Variants in TENM3 observed in about 807,000 individuals in gnomAD.
TENM3 encodes teneurin transmembrane protein 3.
In TENM3, 63 loss-of-function variants were observed where a neutral mutation model predicts 255.1. The ratio of observed to expected loss-of-function variants is 0.25; its 90% CI spans 0.20 to 0.30. The LOEUF (loss-of-function observed/expected upper bound fraction) is 0.30. Ranked by LOEUF, TENM3 falls within the 10% of genes least tolerant of loss-of-function variation. TENM3 has a pLI of 1.00. For synonymous variants in TENM3, 1,306 were observed against 1,322.3 expected, an observed-to-expected ratio of 0.99 and a Z score of 0.27; for missense variants, 2,929 against 3,461.1, an observed-to-expected ratio of 0.85 and a Z score of 3.86.
chr4:181,869,569 T>G, the TENM3 span, among the ~76,000 whole-genome samples: 1 of 152,124 alleles, frequency 6.6e-6, no homozygotes, highest in Non-Finnish European at 1.5e-5. Context: ...TTTTTCACAT[T>G]CATGCCAGCA....
At chr4:182,137,865 G>C in the TENM3 span, among the ~76,000 whole-genome samples, 3 of 152,242 alleles carry the variant, frequency 2.0e-5, no homozygotes, top group Non-Finnish European at 4.4e-5. Flanking sequence ...CTCTAAATTT[G>C]ATATTCAGAA....
intron 3 of TENM3, among the ~76,000 whole-genome samples, chr4:182,362,514 G>A (rs1766086597): frequency 1.3e-5 from 2 of 152,250 alleles, no homozygotes; most frequent in South Asian, 2.1e-4. Context: ...ATGGGTGTAG[G>A]ACCCTCCGAG....
intron 3 of TENM3, among the ~76,000 whole-genome samples, chr4:182,378,644 C>T (rs1000171147): frequency 2.0e-5 from 3 of 152,084 alleles, no homozygotes; most frequent in African/African-American, 7.2e-5. Context: ...GAAGGGTCAC[C>T]CAGCGGTCAC....
the TENM3 span, among the ~76,000 whole-genome samples, chr4:181,845,991 A>C: frequency 6.6e-6 from 1 of 152,138 alleles, no homozygotes; most frequent in Non-Finnish European, 1.5e-5. Context: ...ATTTACGCTA[A>C]GGTTCTTTGT....
chr4:182,396,222 C>T (rs1196859285), intron 3 of TENM3, among the ~76,000 whole-genome samples: 1 of 152,188 alleles, frequency 6.6e-6, no homozygotes, highest in Admixed American at 6.5e-5. Context: ...TCTCTGGCTT[C>T]CTTCCAGGCT....
chr4:181,560,195 G>T, the TENM3 span, among the ~76,000 whole-genome samples: 7 of 147,844 alleles, frequency 4.7e-5, no homozygotes, highest in African/African-American at 1.7e-4. Flanking sequence ...TTTATAGAAT[G>T]CTGTCTTCTC....
At chr4:181,507,935 T>G in the TENM3 span, among the ~76,000 whole-genome samples, 1 of 152,242 alleles carries the variant, frequency 6.6e-6, no homozygotes, top group Admixed American at 6.5e-5. Flanking sequence ...GATTAAAATC[T>G]GCTTTTGTTT....
rs181761497 is a variant in TENM3, at chr4:182,763,869, T to C, written c.4892+8610T>C. Among the ~76,000 whole-genome samples, 328 of 152,360 alleles carry C rather than the reference T, an allele frequency of 2.2e-3. 1 individual carries two copies. Among genetic ancestry groups the C allele is most frequent in the African/African-American group, 7.4e-3 (309 of 41,586 alleles). On this transcript the variant is annotated intron_variant, in intron 22 of 27. Transcript: ENST00000511685. ...AATTTAGAGCTAGTGAGAAATGTTA[T>C]GCCCAGGAATTTATCTTTATGTTCA...
chr4:182,171,536 T>A (rs780865416), intron 1 of TENM3, among the ~76,000 whole-genome samples: 1 of 152,168 alleles, frequency 6.6e-6, no homozygotes, highest in Non-Finnish European at 1.5e-5. Context: ...CAATCATAGC[T>A]CTCTGTAACC....
intron 1 of TENM3, among the ~76,000 whole-genome samples, chr4:182,212,590 G>A (rs1236031835): frequency 6.6e-6 from 1 of 152,000 alleles, no homozygotes; most frequent in Non-Finnish European, 1.5e-5. Flanking sequence ...TGCTTCCTTT[G>A]AAGCTGAAAT....
the TENM3 span, among the ~76,000 whole-genome samples, chr4:181,638,072 T>G: frequency 6.6e-6 from 1 of 152,192 alleles, no homozygotes; most frequent in South Asian, 2.1e-4. Flanking sequence ...CTTGGTGACT[T>G]TATCCTATTC....
chr4:181,850,012 T>C, the TENM3 span, among the ~76,000 whole-genome samples: 182 of 137,370 alleles, frequency 1.3e-3, 1 homozygote, highest in African/African-American at 4.6e-3. Flanking sequence ...CCCCCGACCT[T>C]GAATATTCCT....
chr4:182,737,229 CCGTGGGAAAAGGAATGTACT>C (rs1761238856), intron 17 of TENM3, among the ~76,000 whole-genome samples, 154 bp downstream of exon 17: 1 of 152,026 alleles, frequency 6.6e-6, no homozygotes, highest in Non-Finnish European at 1.5e-5. Flanking sequence ...TTTAGATCTA[CCGTGGGAAAAGGAATGTACT>C]CCATGTGGCA....
intron 3 of TENM3, among the ~76,000 whole-genome samples, chr4:182,459,452 T>C (rs1417168007): frequency 1.3e-5 from 2 of 152,188 alleles, no homozygotes; most frequent in Non-Finnish European, 2.9e-5. Flanking sequence ...CAATTAAATT[T>C]TGGAATTCAG....
the TENM3 span, among the ~76,000 whole-genome samples, chr4:181,801,288 G>A: frequency 5.3e-5 from 8 of 152,068 alleles, no homozygotes; most frequent in South Asian, 2.1e-4. Flanking sequence ...TCTGAGAGAC[G>A]GAGATGAACA....
At chr4:181,896,100 C>A in the TENM3 span, among the ~76,000 whole-genome samples, 2 of 152,130 alleles carry the variant, frequency 1.3e-5, no homozygotes, top group Non-Finnish European at 2.9e-5. Context: ...GCTTTCCTCC[C>A]CACTCCACTT....
chr4:181,787,892 T>A, the TENM3 span, among the ~76,000 whole-genome samples: 1 of 152,056 alleles, frequency 6.6e-6, no homozygotes, highest in African/African-American at 2.4e-5. Flanking sequence ...TCCGCACAAC[T>A]CAGGAGACTG....
the TENM3 span, among the ~76,000 whole-genome samples, chr4:182,120,116 C>A: frequency 6.6e-6 from 1 of 152,108 alleles, no homozygotes; most frequent in Non-Finnish European, 1.5e-5. Flanking sequence ...CACACACACA[C>A]ACACACTCCT....
chr4:182,226,265 C>T (rs1225044865), intron 1 of TENM3, among the ~76,000 whole-genome samples: 1 of 152,036 alleles, frequency 6.6e-6, no homozygotes, highest in East Asian at 1.9e-4. Context: ...AGGCTGGATT[C>T]CTAGGAGACT....
Sources: gnomAD v4.1 joint callset for allele counts (sites outside exome capture counted in the v4.1 genomes callset) on GRCh38, gnomAD v4.1.1 for gene constraint, MANE v1.5 for transcripts, NCBI Gene and HGNC (gene_info 2026-07-23, HGNC 2026-07-21) for gene names.